The following INPP5F variants were observed in gnomAD, a reference collection of about 807,000 sequenced individuals.
The protein encoded by INPP5F is inositol polyphosphate-5-phosphatase F, also known as phosphatidylinositide 4-phosphatase SAC2.
In INPP5F, 97 loss-of-function variants were observed where a neutral mutation model predicts 137.2. That is an observed-to-expected ratio of 0.71 (90% CI 0.60 to 0.84). The LOEUF (loss-of-function observed/expected upper bound fraction) is 0.84, where lower values mean the gene tolerates loss of function less well. Among genes scored for constraint, INPP5F ranks in the 40% least tolerant of loss-of-function variants. The pLI is 0.00. For missense variants in INPP5F, 1,271 were observed against 1,371.9 expected (o/e 0.93, Z 1.16); for synonymous variants, 504 against 476.9 (o/e 1.06, Z -0.74).
At chr10:119,797,079 A>T (rs1850410844) in intron 7 of INPP5F, among the ~76,000 whole-genome samples, 166 bp downstream of exon 7, 1 of 152,188 alleles carries the variant, frequency 6.6e-6, no homozygotes, top group African/African-American at 2.4e-5. Context: ...ATTTTTGAAG[A>T]GGGGTGAATA....
At chr10:119,784,397 T>G (rs540842590) in intron 3 of INPP5F, among the ~76,000 whole-genome samples, 1 of 152,346 alleles carries the variant, frequency 6.6e-6, no homozygotes, top group South Asian at 2.1e-4. Context: ...CCCTCTAGTC[T>G]TATTATTTTT....
chr10:119,761,251 T>A (rs1041644158), intron 2 of INPP5F, among the ~76,000 whole-genome samples: 1 of 152,224 alleles, frequency 6.6e-6, no homozygotes, highest in African/African-American at 2.4e-5. Context: ...CTCTAGATGC[T>A]CTCCCTATGA....
In INPP5F at chr10:119,819,346, A is replaced by G. The variant is rs563498274; in HGVS notation, c.1887-1500A>G. 77 of 1,236,228 alleles carry G rather than the reference A, an allele frequency of 6.2e-5. No individual in the cohort carries two copies. The East Asian group carries it at 2.6e-3, about 42-fold the overall frequency. The allele number at this position is 1,236,228 out of a possible 1,614,324, so 76.6% of individuals were successfully genotyped here. On this transcript the variant is annotated intron_variant, in intron 15 of 19. Transcript: ENST00000650623. The stretch of plus-strand genomic sequence containing the variant: ...GGTTGACATTTTCCGACTGCCTGTT[A>G]CGTGCCAAGTGCTTTTTGTTAAGGA...
At chr10:119,736,145 G>A (rs1381899138) in intron 1 of INPP5F, among the ~76,000 whole-genome samples, 1 of 152,234 alleles carries the variant, frequency 6.6e-6, no homozygotes, top group Non-Finnish European at 1.5e-5. Context: ...GACAGCAAAA[G>A]GTGAGGGATA....
rs1201770230 is a variant in INPP5F at position 119,798,594 on chromosome 10, A to T, written c.1100A>T (p.Asn367Ile). ...YFCAHFEEQL[N>I]IYKKQVIINL... ...TGTGCCCATTTCGAAGAACAACTGA[A>T]CATTTACAAAAAACAGGTGGGCTTT... Residue 367 changes from asparagine (N) to isoleucine (I), a missense_variant, in exon 9 of 20, where the codon AAC becomes ATC. Around this residue, in one of 6 missense-constraint regions of INPP5F, gnomAD observed 593 missense variants for 712.4 expected, o/e 0.83. Coordinates refer to ENST00000650623, the MANE Select transcript of INPP5F (RefSeq NM_014937.4). 6.2e-7 allele frequency: 1 copy of T among 1,611,912 alleles called. No individual in the cohort carries two copies. The highest frequency in any genetic ancestry group is 1.1e-5 in the South Asian group (1 of 90,810).
At chr10:119,735,247 A>G (rs1052231024) in intron 1 of INPP5F, among the ~76,000 whole-genome samples, 3 of 152,220 alleles carry the variant, frequency 2.0e-5, no homozygotes, top group African/African-American at 7.2e-5. Context: ...ATTTTAGGTC[A>G]GTGTTCCCTG....
intron 2 of INPP5F, among the ~76,000 whole-genome samples, chr10:119,762,485 A>G (rs1849037030): frequency 6.6e-6 from 1 of 152,172 alleles, no homozygotes; most frequent in African/African-American, 2.4e-5. Context: ...ATACCATAAT[A>G]TGGGGGATTA....
At position 119,798,590 on chromosome 10, in the gene INPP5F, C is replaced by T; in HGVS notation, c.1096C>T (p.Leu366=). The change falls in exon 9 of 20, where the codon CTG becomes TTG. Residue 366 remains leucine (L), a synonymous_variant. Transcript: ENST00000650623. ...TTTCTGTGCCCATTTCGAAGAACAA[C>T]TGAACATTTACAAAAAACAGGTGGG... is the stretch of plus-strand genomic sequence containing the variant. ...AYFCAHFEEQ[L]NIYKKQVIIN... The T allele has an allele frequency of 6.2e-7, 1 of 1,611,858 alleles. No homozygotes were observed. Among genetic ancestry groups the T allele is most frequent in the Non-Finnish European group, 8.5e-7 (1 of 1,178,708 alleles).
chr10:119,821,018 G>C, intron 16 of INPP5F, 101 bp downstream of exon 16: 2 of 756,864 alleles, frequency 2.6e-6, no homozygotes, highest in Non-Finnish European at 4.6e-6. Flanking sequence ...ATATGGTTTT[G>C]TTATGTATTT....
chr10:119,753,215 TA>T (rs1848738421), intron 2 of INPP5F, among the ~76,000 whole-genome samples: 1 of 152,234 alleles, frequency 6.6e-6, no homozygotes, highest in Non-Finnish European at 1.5e-5. Flanking sequence ...AAATGACACG[TA>T]TGAAACTTTT....
At chr10:119,776,375 G>A (rs1344455676) in intron 2 of INPP5F, among the ~76,000 whole-genome samples, 1 of 152,016 alleles carries the variant, frequency 6.6e-6, no homozygotes, top group Non-Finnish European at 1.5e-5. Flanking sequence ...ATATTTGAAT[G>A]TGTAAGTTGA....
At chr10:119,743,843 A>G (rs1001862439) in intron 1 of INPP5F, among the ~76,000 whole-genome samples, 1 of 152,218 alleles carries the variant, frequency 6.6e-6, no homozygotes, top group Non-Finnish European at 1.5e-5. Flanking sequence ...CTTTAGGGCA[A>G]AAAGTATTAT....
At chr10:119,800,891 A>G (rs1322178126) in intron 9 of INPP5F, among the ~76,000 whole-genome samples, 1 of 149,546 alleles carries the variant, frequency 6.7e-6, no homozygotes. Flanking sequence ...CGGAGGTTGC[A>G]GTGAGCCAAG....
At chr10:119,763,287 C>T (rs927777455) in intron 2 of INPP5F, among the ~76,000 whole-genome samples, 2 of 152,220 alleles carry the variant, frequency 1.3e-5, no homozygotes, top group Non-Finnish European at 2.9e-5. Context: ...CCTGCCTCCA[C>T]GGCTCTACCC....
rs183246984 is a variant in INPP5F, at chr10:119,797,963, C to A, written c.1048+323C>A. 1.9e-3 allele frequency among the ~76,000 whole-genome samples: 285 copies of A among 151,912 alleles called. 1 individual carries two copies. Among genetic ancestry groups the A allele is most frequent in the African/African-American group, 6.5e-3 (268 of 41,460 alleles). ...CGAATCTAGCCAATATTTGTAGAAG[C>A]AGGAACTATCTTAAGATGGAATCTA... is the stretch of plus-strand genomic sequence containing the variant. On this transcript the variant is annotated intron_variant, in intron 8 of 19. Coordinates refer to ENST00000650623, the MANE Select transcript of INPP5F (RefSeq NM_014937.4).
At chr10:119,757,037 AC>A (rs1343967185) in intron 2 of INPP5F, among the ~76,000 whole-genome samples, 1 of 151,894 alleles carries the variant, frequency 6.6e-6, no homozygotes, top group African/African-American at 2.4e-5. Flanking sequence ...AACGTGTCTG[AC>A]TTTGGTTTGA....
At chr10:119,797,247 C>G (rs904196018) in intron 7 of INPP5F, among the ~76,000 whole-genome samples, 22 of 152,170 alleles carry the variant, frequency 1.4e-4, no homozygotes, top group African/African-American at 5.3e-4. Flanking sequence ...GAAGACCTTT[C>G]TCTTTCAGTT....
rs567506354 is a variant in INPP5F, at chr10:119,771,431, G to A, written c.179-10204G>A. The stretch of plus-strand genomic sequence containing the variant: ...TTAAATTTTTAGGTAGTACAAGTGC[G>A]TGGTTTAACAACAATGTAAATAGTA... On this transcript the variant is annotated intron_variant, in intron 2 of 19. Coordinates refer to ENST00000650623, the MANE Select transcript of INPP5F (RefSeq NM_014937.4). 1.6e-4 allele frequency among the ~76,000 whole-genome samples: 24 copies of A among 151,990 alleles called. 2 individuals are homozygous for A. The highest frequency in any genetic ancestry group is 3.4e-3 in the Middle Eastern group (1 of 294).
chr10:119,810,288 C>A, intron 14 of INPP5F, 71 bp downstream of exon 14: 1 of 782,574 alleles, frequency 1.3e-6, no homozygotes, highest in Non-Finnish European at 2.2e-6. Context: ...CAGAAACCAG[C>A]TTCATTAACA....
Sources: allele counts gnomAD v4.1 joint callset (sites outside exome capture counted in the v4.1 genomes callset), GRCh38; gene constraint gnomAD v4.1.1; regional missense constraint gnomAD v4.1.1; transcripts MANE v1.5; gene names NCBI Gene and HGNC (gene_info 2026-07-23, HGNC 2026-07-21).